Variants in PRKG1 observed in about 807,000 individuals in gnomAD.
The protein encoded by PRKG1 is cGMP-dependent protein kinase 1.
PRKG1 carries 35 observed loss-of-function variants against 88.1 expected under a neutral mutation model. The observed-to-expected ratio is 0.40, with a 90% CI of 0.30 to 0.53. The LOEUF (loss-of-function observed/expected upper bound fraction) is 0.53. Among genes scored for constraint, PRKG1 ranks in the 20% least tolerant of loss-of-function variants. PRKG1 has a pLI of 0.59. For missense variants in PRKG1, 540 were observed against 839.8 expected (o/e 0.64, Z 4.41); for synonymous variants, 303 against 292.5 (o/e 1.04, Z -0.37).
At chr10:51,988,552 G>C (rs974940335) in intron 5 of PRKG1, among the ~76,000 whole-genome samples, 6 of 151,988 alleles carry the variant, frequency 3.9e-5, no homozygotes, top group Admixed American at 3.9e-4. Context: ...ATTTAAAAAT[G>C]TTTGCTGGGT....
intron 2 of PRKG1, among the ~76,000 whole-genome samples, chr10:51,403,094 A>G (rs1837800283): frequency 6.6e-6 from 1 of 152,208 alleles, no homozygotes; most frequent in Admixed American, 6.5e-5. Context: ...AGCATTGGGC[A>G]CATCTCTCTG....
At chr10:51,588,090 G>A (rs1162840350) in intron 3 of PRKG1, among the ~76,000 whole-genome samples, 1 of 152,162 alleles carries the variant, frequency 6.6e-6, no homozygotes, top group South Asian at 2.1e-4. Context: ...CCATATCCTG[G>A]AGGGACTGTC....
intron 9 of PRKG1, among the ~76,000 whole-genome samples, chr10:52,177,720 T>C (rs190756691): frequency 6.6e-6 from 1 of 152,190 alleles, no homozygotes; most frequent in Non-Finnish European, 1.5e-5. Flanking sequence ...CTTTCAATCT[T>C]GATAGATTTT....
At chr10:51,879,278 A>G (rs1564689682) in intron 4 of PRKG1, among the ~76,000 whole-genome samples, 1 of 152,194 alleles carries the variant, frequency 6.6e-6, no homozygotes, top group African/African-American at 2.4e-5. Context: ...TTGCTATGTA[A>G]CTGTGCTGTT....
chr10:51,284,749 C>T (rs1194201779), intron 2 of PRKG1, among the ~76,000 whole-genome samples: 2 of 151,816 alleles, frequency 1.3e-5, no homozygotes, highest in Non-Finnish European at 2.9e-5. Flanking sequence ...CCACAGAGTT[C>T]ATGCTGCAGG....
upstream of PRKG1, chr10:51,074,397 T>C: frequency 7.2e-7 from 1 of 1,389,646 alleles, no homozygotes; most frequent in Non-Finnish European, 9.6e-7. Context: ...AGAAGTGGAA[T>C]CTGCACTGAA....
chr10:52,056,249 A>C (rs1341619055), intron 6 of PRKG1, among the ~76,000 whole-genome samples: 1 of 152,192 alleles, frequency 6.6e-6, no homozygotes, highest in Non-Finnish European at 1.5e-5. Flanking sequence ...AGATTGACTA[A>C]AGAATCAGGG....
chr10:51,527,563 G>A, intron 3 of PRKG1, among the ~76,000 whole-genome samples: 1 of 152,280 alleles, frequency 6.6e-6, no homozygotes, highest in African/African-American at 2.4e-5. Flanking sequence ...CTAACTATGA[G>A]TTTGTTAAAA....
chr10:51,205,789 C>T (rs906204038), intron 2 of PRKG1, among the ~76,000 whole-genome samples: 1 of 152,174 alleles, frequency 6.6e-6, no homozygotes, highest in Admixed American at 6.5e-5. Flanking sequence ...CTGCCTCAGC[C>T]TCCCAAAGTG....
At chr10:52,159,026 C>T (rs575898683) in intron 8 of PRKG1, among the ~76,000 whole-genome samples, 2 of 151,084 alleles carry the variant, frequency 1.3e-5, no homozygotes, top group Non-Finnish European at 3.0e-5. Context: ...ATGAAGATTA[C>T]AAGTATGAAC....
At chr10:51,204,409 TC>T (rs1837993999) in intron 2 of PRKG1, among the ~76,000 whole-genome samples, 2 of 151,582 alleles carry the variant, frequency 1.3e-5, no homozygotes, top group Non-Finnish European at 2.9e-5. Context: ...TGTACACATT[TC>T]TTGTGCTCCC....
At chr10:51,862,113 T>C (rs1461809351) in intron 4 of PRKG1, among the ~76,000 whole-genome samples, 1 of 152,218 alleles carries the variant, frequency 6.6e-6, no homozygotes, top group East Asian at 1.9e-4. Context: ...TACAGTTCTG[T>C]CTCATTCCTG....
intron 1 of PRKG1, among the ~76,000 whole-genome samples, chr10:51,033,436 A>G (rs974754627): frequency 6.6e-6 from 1 of 152,168 alleles, no homozygotes; most frequent in African/African-American, 2.4e-5. Flanking sequence ...TGGAGCCACA[A>G]TTTGAAGTCA....
chr10:51,168,316 T>A (rs1212898546), intron 2 of PRKG1, among the ~76,000 whole-genome samples: 4 of 152,180 alleles, frequency 2.6e-5, no homozygotes, highest in Non-Finnish European at 5.9e-5. Flanking sequence ...ACAGCTGCCT[T>A]CTGTTAAGCT....
chr10:51,100,899 G>A (rs1801139792), intron 1 of PRKG1, among the ~76,000 whole-genome samples: 1 of 152,028 alleles, frequency 6.6e-6, no homozygotes, highest in Non-Finnish European at 1.5e-5. Flanking sequence ...CCTGGGCTGT[G>A]AAAAAAGGGT....
At chr10:52,154,464 C>G (rs902575443) in intron 8 of PRKG1, among the ~76,000 whole-genome samples, 2 of 152,098 alleles carry the variant, frequency 1.3e-5, no homozygotes, top group Non-Finnish European at 2.9e-5. Context: ...TTGAGTAGCA[C>G]TACTCTACAA....
At chr10:51,253,235 A>G (rs1839471188) in intron 2 of PRKG1, among the ~76,000 whole-genome samples, 1 of 151,914 alleles carries the variant, frequency 6.6e-6, no homozygotes, top group Non-Finnish European at 1.5e-5. Flanking sequence ...CATTTCAGAA[A>G]TAATTCACCT....
At chr10:51,643,621 G>C (rs1285121084) in intron 3 of PRKG1, among the ~76,000 whole-genome samples, 1 of 152,172 alleles carries the variant, frequency 6.6e-6, no homozygotes, top group Non-Finnish European at 1.5e-5. Context: ...GGCATAGACT[G>C]TGGTGGATCT....
At chr10:51,922,544 TTTTC>T (rs1398464440) in intron 5 of PRKG1, among the ~76,000 whole-genome samples, 2 of 151,960 alleles carry the variant, frequency 1.3e-5, no homozygotes, top group African/African-American at 4.8e-5. Context: ...TGCTGTAATA[TTTTC>T]TTTAAGTACT....
Sources: allele counts gnomAD v4.1 joint callset (sites outside exome capture counted in the v4.1 genomes callset), GRCh38; gene constraint gnomAD v4.1.1; transcripts MANE v1.5; gene names NCBI Gene and HGNC (gene_info 2026-07-23, HGNC 2026-07-21).